RYK: variants seen among roughly 807,000 people sequenced by gnomAD.
RYK encodes receptor like tyrosine kinase.
A neutral mutation model predicts 70.2 loss-of-function variants in RYK; 21 were observed. That is an observed-to-expected ratio of 0.30 (90% confidence interval 0.21 to 0.43). The LOEUF is 0.43. RYK is among the 20% of genes least tolerant of loss of function. RYK has a pLI of 1.00. For missense variants in RYK, 604 were observed against 753.3 expected (o/e 0.80, Z 2.32); for synonymous variants, 267 against 278.0 (o/e 0.96, Z 0.39).
intron 13 of RYK, among the ~76,000 whole-genome samples, chr3:134,164,689 T>TA (rs1375356625): frequency 6.6e-6 from 1 of 152,260 alleles, no homozygotes; most frequent in East Asian, 1.9e-4. Flanking sequence ...CCTTAGCTAT[T>TA]AAAAATAAAG....
rs1576543299 is a variant in RYK at position 134,250,730 on chromosome 3, C to T, written c.-76G>A. 2 of 749,488 alleles carry T rather than the reference C, an allele frequency of 2.7e-6. No individual in the cohort carries two copies. The highest frequency in any genetic ancestry group is 6.7e-4 in the Middle Eastern group (1 of 1,488). The allele number at this position is 749,488 out of a possible 1,614,324, so 46.4% of individuals were successfully genotyped here. On this transcript the variant is annotated 5_prime_UTR_variant, in exon 1 of 15. The change abolishes the stop of an existing upstream ORF in the 5' untranslated region. Coordinates refer to ENST00000623711, the MANE Select transcript of RYK (RefSeq NM_002958.4). ...CGCCCACCCCCGGCCCCGAGCCGCT[C>T]ACAGCCCCGAGCCGGGGGCGGCTGC... is the stretch of plus-strand genomic sequence containing the variant.
rs2014584106 is a variant in RYK, at chr3:134,217,231, G to A, written c.354+5187C>T. The stretch of plus-strand genomic sequence containing the variant: ...CTGGAAGCAAATATTTCATCTTCTG[G>A]CAAACCTTAAAAAGCAAGAACCGAG... On this transcript the variant is annotated intron_variant, in intron 2 of 14. Coordinates refer to ENST00000623711, the MANE Select transcript of RYK (RefSeq NM_002958.4). 2.0e-5 allele frequency among the ~76,000 whole-genome samples: 3 copies of A among 152,164 alleles called. No homozygotes were observed. In the South Asian group the frequency reaches 6.2e-4, roughly 32 times the overall value.
At position 134,240,154 on chromosome 3, in the gene RYK, GTTATT is replaced by G. The variant is rs141125837; in HGVS notation, c.232+10264_232+10268del. 3.0e-3 allele frequency among the ~76,000 whole-genome samples: 452 copies of G among 152,216 alleles called. 3 individuals carry two copies. Among genetic ancestry groups the G allele is most frequent in the African/African-American group, 9.9e-3 (410 of 41,534 alleles). The stretch of plus-strand genomic sequence containing the variant: ...AATTTCTTAATAATGTGCAATAATG[GTTATT>G]TTAGATTTTTTAAGAATTTCTTTCA... On this transcript the variant is annotated intron_variant, in intron 1 of 14. Coordinates refer to ENST00000623711, the MANE Select transcript of RYK (RefSeq NM_002958.4).
intron 10 of RYK, chr3:134,180,741 A>C (rs1197133516): frequency 6.6e-6 from 1 of 152,264 alleles, no homozygotes; most frequent in African/African-American, 2.4e-5. Flanking sequence ...GGAAAGAATA[A>C]TATACTTTCT....
At chr3:134,161,795 C>T (rs1474710446) in intron 13 of RYK, among the ~76,000 whole-genome samples, 1 of 151,184 alleles carries the variant, frequency 6.6e-6, no homozygotes, top group Non-Finnish European at 1.5e-5. Context: ...AAACTCAACA[C>T]TGTTTGGTGA....
At chr3:134,192,256 C>T (rs1388003797) in intron 7 of RYK, among the ~76,000 whole-genome samples, 1 of 152,120 alleles carries the variant, frequency 6.6e-6, no homozygotes, top group Non-Finnish European at 1.5e-5. Context: ...ACTTCAATTG[C>T]CTTTTAGCCA....
At chr3:134,168,729 C>A (rs775157482) in intron 13 of RYK, among the ~76,000 whole-genome samples, 1 of 151,920 alleles carries the variant, frequency 6.6e-6, no homozygotes, top group Non-Finnish European at 1.5e-5. Context: ...TGTAACAAAC[C>A]TGCATGTTAT....
intron 13 of RYK, among the ~76,000 whole-genome samples, chr3:134,159,769 T>TAC (rs1259853741): frequency 6.6e-6 from 1 of 152,140 alleles, no homozygotes; most frequent in East Asian, 1.9e-4. Context: ...CTAAGTGAAA[T>TAC]ACGCAAATGA....
At chr3:134,243,409 T>C (rs1029168410) in intron 1 of RYK, among the ~76,000 whole-genome samples, 2 of 152,144 alleles carry the variant, frequency 1.3e-5, no homozygotes, top group Non-Finnish European at 2.9e-5. Flanking sequence ...TCCAAAGCCA[T>C]CCTTTTCACT....
chr3:134,219,427 C>T (rs1043283762), intron 2 of RYK, among the ~76,000 whole-genome samples: 2 of 152,210 alleles, frequency 1.3e-5, no homozygotes, highest in African/African-American at 2.4e-5. Context: ...CAAATCACTA[C>T]CCATACACTT....
rs888348728 is a variant in RYK, at chr3:134,250,596, C to T, written c.59G>A (p.Gly20Asp). Residue 20 changes from glycine to aspartate, a missense_variant, in exon 1 of 15, where the codon GGC becomes GAC. Gly to Asp is a moderately conservative substitution (Grantham distance 94). Around this residue, in one of 2 missense-constraint regions of RYK, gnomAD observed 466 missense variants for 535.9 expected, o/e 0.87. Transcript: ENST00000623711. ...CGGCGGCGGCGGCGGGGCCCTCAGG[C>T]CGCGGGCCCCCGGGAGGCAACTCCG... ...PGRSCLPGAR[G>D]LRAPPPPPLL... 4 of 1,060,572 alleles carry T rather than the reference C, an allele frequency of 3.8e-6. No individual in the cohort carries two copies. Among genetic ancestry groups the T allele is most frequent in the African/African-American group, 3.4e-5 (2 of 58,354 alleles). 65.7% of individuals were successfully genotyped at this position (1,060,572 alleles called of 1,614,324 possible).
intron 10 of RYK, among the ~76,000 whole-genome samples, chr3:134,182,337 C>T (rs747355461): frequency 6.6e-6 from 1 of 152,040 alleles, no homozygotes; most frequent in Non-Finnish European, 1.5e-5. Context: ...AAGTCAGATA[C>T]ATTGTTTCAT....
intron 1 of RYK, among the ~76,000 whole-genome samples, chr3:134,226,375 C>T (rs1315884042): frequency 6.6e-6 from 1 of 152,100 alleles, no homozygotes; most frequent in Non-Finnish European, 1.5e-5. Context: ...CAAAAGAAAG[C>T]TCCAGGTCCA....
chr3:134,224,731 G>A (rs780323379), intron 1 of RYK, among the ~76,000 whole-genome samples: 6 of 152,218 alleles, frequency 3.9e-5, no homozygotes, highest in Non-Finnish European at 5.9e-5. Flanking sequence ...GCTAGACCAA[G>A]GAGCCCTCTA....
intron 1 of RYK, among the ~76,000 whole-genome samples, chr3:134,233,216 G>A (rs2015108790): frequency 6.6e-6 from 1 of 152,228 alleles, no homozygotes; most frequent in Non-Finnish European, 1.5e-5. Context: ...TTATGCTTTT[G>A]TTGGTGCTCT....
At chr3:134,246,427 G>A (rs2015470391) in intron 1 of RYK, among the ~76,000 whole-genome samples, 1 of 144,428 alleles carries the variant, frequency 6.9e-6, no homozygotes, top group African/African-American at 2.6e-5. Flanking sequence ...AGATTGAAAG[G>A]ACCCACTAAG....
intron 1 of RYK, among the ~76,000 whole-genome samples, chr3:134,230,864 T>A (rs1435637897): frequency 6.6e-6 from 1 of 152,180 alleles, no homozygotes; most frequent in Non-Finnish European, 1.5e-5. Context: ...AAAAAGGAAT[T>A]AACACTCAAT....
intron 6 of RYK, among the ~76,000 whole-genome samples, chr3:134,196,582 AACACAC>A (rs57185535): frequency 0.075 from 9,630 of 128,370 alleles, 333 homozygotes; most frequent in South Asian, 0.11. Context: ...TCTGAAACAA[AACACAC>A]ACACACACAC....
Position 134,177,971 on chromosome 3 carries a change from C to T in RYK, c.1275G>A (p.Gln425=). 6.2e-7 allele frequency: 1 copy of T among 1,612,448 alleles called. No individual in the cohort carries two copies. The highest frequency in any genetic ancestry group is 2.2e-5 in the East Asian group (1 of 44,798). ...NWGNLKLFLR[Q]CKLVEANNPQ... ...GATTATTGGCCTCTACTAACTTGCA[C>T]TGTCGTAAAAACAATTTAAGATTCC... The change falls in exon 11 of 15, where the codon CAG becomes CAA. Residue 425 remains glutamine, a synonymous_variant. Coordinates refer to ENST00000623711, the MANE Select transcript of RYK (RefSeq NM_002958.4).
Sources: gnomAD v4.1 joint callset for allele counts (sites outside exome capture counted in the v4.1 genomes callset) on GRCh38, gnomAD v4.1.1 for gene constraint, gnomAD v4.1.1 regional missense constraint, MANE v1.5 for transcripts, NCBI Gene and HGNC (gene_info 2026-07-23, HGNC 2026-07-21) for gene names.